Variants in WDPCP observed in about 807,000 individuals in gnomAD.
The protein encoded by WDPCP is WD repeat-containing and planar cell polarity effector protein fritz homolog.
A neutral mutation model predicts 93.1 loss-of-function variants in WDPCP; 71 were observed. That is an observed-to-expected ratio of 0.76 (90% CI 0.63 to 0.93). The LOEUF (loss-of-function observed/expected upper bound fraction) is 0.93, where lower values mean the gene tolerates loss of function less well. Among genes scored for constraint, WDPCP ranks in the 40% least tolerant of loss-of-function variants. The pLI, the probability that WDPCP is intolerant of heterozygous loss-of-function variation, is 0.00. For missense variants in WDPCP, 844 were observed against 887.4 expected, an observed-to-expected ratio of 0.95 and a Z score of 0.62; for synonymous variants, 315 against 315.0, an observed-to-expected ratio of 1.00 and a Z score of 0.00.
chr2:63,289,446 G>A (rs1367479947), intron 13 of WDPCP, among the ~76,000 whole-genome samples: 7 of 151,688 alleles, frequency 4.6e-5, no homozygotes, highest in African/African-American at 7.3e-5. Flanking sequence ...TCTTTAATCC[G>A]TGATCTTTTT....
At chr2:63,406,344 C>T (rs1450166353) in intron 9 of WDPCP, among the ~76,000 whole-genome samples, 5 of 152,312 alleles carry the variant, frequency 3.3e-5, no homozygotes, top group East Asian at 1.9e-4. Flanking sequence ...CCCTCCCTCA[C>T]ACTCTTTTTG....
At chr2:63,542,091 GCAATATCTTGGA>G (rs1486588753) in intron 1 of WDPCP, among the ~76,000 whole-genome samples, 1 of 152,130 alleles carries the variant, frequency 6.6e-6, no homozygotes, top group Non-Finnish European at 1.5e-5. Context: ...TGACTGCATA[GCAATATCTTGGA>G]CGGGGTTTGA....
intron 14 of WDPCP, among the ~76,000 whole-genome samples, chr2:63,190,847 A>G (rs1472162933): frequency 1.3e-5 from 2 of 152,212 alleles, no homozygotes; most frequent in Non-Finnish European, 2.9e-5. Flanking sequence ...GGGAGTGATT[A>G]TAGCCTGAAT....
intron 14 of WDPCP, among the ~76,000 whole-genome samples, chr2:63,222,835 T>C (rs952605739): frequency 6.6e-6 from 1 of 152,208 alleles, no homozygotes; most frequent in African/African-American, 2.4e-5. Context: ...TCTATAAAGT[T>C]ATGACATTTC....
chr2:63,535,078 G>A (rs528609029), intron 1 of WDPCP, among the ~76,000 whole-genome samples: 2,445 of 152,184 alleles, frequency 0.016, 75 homozygotes, highest in African/African-American at 0.056. Context: ...TAGACAAACA[G>A]AGAGCCAAAT....
intron 17 of WDPCP, among the ~76,000 whole-genome samples, chr2:63,134,456 T>G (rs1490115181): frequency 6.6e-6 from 1 of 152,158 alleles, no homozygotes; most frequent in Non-Finnish European, 1.5e-5. Flanking sequence ...TTTAGTAAAT[T>G]TATATATATG....
At chr2:63,291,540 C>T (rs185736286) in intron 13 of WDPCP, among the ~76,000 whole-genome samples, 144 of 152,216 alleles carry the variant, frequency 9.5e-4, no homozygotes, top group Non-Finnish European at 1.6e-3. Flanking sequence ...TGGGCATGGT[C>T]GTTCACATCT....
At chr2:63,176,298 T>C (rs1673796873) in intron 14 of WDPCP, among the ~76,000 whole-genome samples, 1 of 152,106 alleles carries the variant, frequency 6.6e-6, no homozygotes, top group Non-Finnish European at 1.5e-5. Context: ...CAGGCTGGAG[T>C]GCAGTATCAC....
At chr2:63,489,339 T>C (rs1212005545) in intron 2 of WDPCP, among the ~76,000 whole-genome samples, 1 of 152,102 alleles carries the variant, frequency 6.6e-6, no homozygotes, top group Non-Finnish European at 1.5e-5. Flanking sequence ...TGTAAACTCA[T>C]GGTTTCAATA....
chr2:63,120,041 T>A lies in WDPCP; in HGVS notation c.*1965A>T, dbSNP rs1669469236. ...TAACTGGCAAACATTTTCATTATTA[T>A]TATCATTATGTAGAAAAACATAGAT... On this transcript the variant is annotated 3_prime_UTR_variant, in exon 18 of 18. Transcript: ENST00000272321. 6.6e-6 allele frequency among the ~76,000 whole-genome samples: 1 copy of A among 152,200 alleles called. No homozygotes were observed. Among genetic ancestry groups the A allele is most frequent in the Non-Finnish European group, 1.5e-5 (1 of 68,030 alleles).
intron 2 of WDPCP, among the ~76,000 whole-genome samples, chr2:63,652,045 C>G (rs1166453651): frequency 1.3e-5 from 2 of 152,190 alleles, no homozygotes; most frequent in Non-Finnish European, 2.9e-5. Context: ...CTGGTTTAAT[C>G]AGTGAGTTAA....
chr2:63,485,117 C>T, intron 4 of WDPCP, 130 bp from the exon 5 acceptor site: 1 of 876,222 alleles, frequency 1.1e-6, no homozygotes. Context: ...TCATTTCCAT[C>T]ATCAAATGAC....
In WDPCP at chr2:63,604,295, A is replaced by G. The variant is rs533781797; in HGVS notation, n.488+46364T>C. On this transcript the variant is annotated intron_variant and non_coding_transcript_variant, in intron 3 of 4. Transcript: ENST00000467687. ...AAAGTGCCTAAATACCTGATTACTCAGAAGCACTGAGAAGACATCTCCAAG... is the reference window on the plus strand; with the variant it reads ...AAAGTGCCTAAATACCTGATTACTCGGAAGCACTGAGAAGACATCTCCAAG... Among the ~76,000 whole-genome samples the G allele has an allele frequency of 1.2e-4, 19 of 152,378 alleles. No homozygotes were observed. In the South Asian group the frequency reaches 3.9e-3, roughly 32 times the overall value.
At chr2:63,509,087 T>A in intron 1 of WDPCP, among the ~76,000 whole-genome samples, 1 of 152,206 alleles carries the variant, frequency 6.6e-6, no homozygotes, top group East Asian at 1.9e-4. Context: ...GCGGACCTAA[T>A]AGACATCTAC....
chr2:63,424,987 C>T (rs184227168), intron 9 of WDPCP, among the ~76,000 whole-genome samples: 1 of 152,144 alleles, frequency 6.6e-6, no homozygotes, highest in Non-Finnish European at 1.5e-5. Flanking sequence ...TGGCTAAGAA[C>T]TTATCTGCCA....
At chr2:63,244,228 A>C (rs931463978) in intron 14 of WDPCP, among the ~76,000 whole-genome samples, 11 of 152,192 alleles carry the variant, frequency 7.2e-5, no homozygotes, top group Non-Finnish European at 1.5e-4. Flanking sequence ...CACAGTATTA[A>C]GAGGAAAGTT....
intron 6 of WDPCP, among the ~76,000 whole-genome samples, chr2:63,454,512 TAAAAATAA>T (rs1344220558): frequency 2.3e-4 from 34 of 147,422 alleles, no homozygotes; most frequent in South Asian, 1.7e-3. Flanking sequence ...TAATAAAAAA[TAAAAATAA>T]AAAAATAAAA....
intron 2 of WDPCP, among the ~76,000 whole-genome samples, chr2:63,656,943 T>C (rs1710174154): frequency 6.6e-6 from 1 of 152,106 alleles, no homozygotes; most frequent in Non-Finnish European, 1.5e-5. Flanking sequence ...GAAATAACCA[T>C]GAGACTATCT....
chr2:63,363,741 T>TA (rs998354140), intron 12 of WDPCP, among the ~76,000 whole-genome samples: 9 of 7,876 alleles, frequency 1.1e-3, no homozygotes, highest in East Asian at 0.12. Context: ...GAAGAATATA[T>TA]TTTTTTAACT....
Sources: gnomAD v4.1 joint callset for allele counts (sites outside exome capture counted in the v4.1 genomes callset) on GRCh38, gnomAD v4.1.1 for gene constraint, MANE v1.5 for transcripts, NCBI Gene and HGNC (gene_info 2026-07-23, HGNC 2026-07-21) for gene names.